SORCS1: variants seen among roughly 807,000 people sequenced by gnomAD.
SORCS1 encodes sortilin related VPS10 domain containing receptor 1.
SORCS1 carries 60 observed loss-of-function variants against 146.1 expected under a neutral mutation model. That is an observed-to-expected ratio of 0.41 (90% CI 0.33 to 0.51). The LOEUF is 0.51. SORCS1 is among the 20% of genes least tolerant of loss of function. The pLI is 0.21. For missense variants in SORCS1, 1,352 were observed against 1,487.6 expected, an observed-to-expected ratio of 0.91 and a Z score of 1.50; for synonymous variants, 637 against 584.0, an observed-to-expected ratio of 1.09 and a Z score of -1.31.
intron 16 of SORCS1, 32 bp from the exon 17 acceptor site, chr10:106,667,834 C>G: frequency 6.4e-7 from 1 of 1,557,144 alleles, no homozygotes; most frequent in Non-Finnish European, 8.8e-7. Flanking sequence ...AAACCTTTCA[C>G]TAGGTGGCAA....
rs749306103 is a variant in SORCS1, at chr10:107,164,078, G to C, written c.449C>G (p.Ala150Gly). The C allele has an allele frequency of 3.1e-6, 5 of 1,613,818 alleles. No individual in the cohort carries two copies. The South Asian group carries it at 5.5e-5, about 18-fold the overall frequency. Residue 150 changes from alanine (A) to glycine (G), a missense_variant, in exon 1 of 26, where the codon GCC becomes GGC. By Grantham distance (60) the Ala-to-Gly change is moderately conservative (BLOSUM62 0). This residue lies in a region of SORCS1 where 490 missense variants were observed against 489.1 expected (regional missense o/e 1.00). Coordinates refer to ENST00000263054, the MANE Select transcript of SORCS1 (RefSeq NM_052918.5). This position sits in a 1 kb window ranked among gnomAD's most constrained non-coding sequence, Gnocchi z 6.8. ...CAGCTCCTCCATCCGGAAGCGGGTG[G>C]CTTTGTCCGGGTCCCGCTCCCGAGT... ...PGTRERDPDK[A>G]TRFRMEELRL...
the SORCS1 span, among the ~76,000 whole-genome samples, chr10:107,177,592 T>G: frequency 3.3e-5 from 5 of 152,170 alleles, no homozygotes; most frequent in African/African-American, 7.2e-5. Context: ...CTAAAATAAT[T>G]AATTTTTTTA....
intron 18 of SORCS1, among the ~76,000 whole-genome samples, chr10:106,635,226 G>A (rs1184829777): frequency 6.6e-6 from 1 of 152,112 alleles, no homozygotes; most frequent in African/African-American, 2.4e-5. Context: ...CCAGAAGTGA[G>A]ACTCCAAGAT....
chr10:106,884,067 G>A (rs980627177), intron 2 of SORCS1, among the ~76,000 whole-genome samples: 8 of 151,940 alleles, frequency 5.3e-5, no homozygotes, highest in African/African-American at 1.7e-4. Context: ...AAACTACTTA[G>A]CATCTGGGAA....
At position 106,803,328 on chromosome 10, in the gene SORCS1, C is replaced by T. The variant is rs558021144; in HGVS notation, c.726+26246G>A. The stretch of plus-strand genomic sequence containing the variant: ...TTCCAAAGAATAATATTTTGTATTA[C>T]AAAAGGGACACACACTTATATGGAA... On this transcript the variant is annotated intron_variant, in intron 3 of 25. Coordinates refer to ENST00000263054, the MANE Select transcript of SORCS1 (RefSeq NM_052918.5). 2.6e-5 allele frequency among the ~76,000 whole-genome samples: 4 copies of T among 152,244 alleles called. No individual in the cohort carries two copies. In the East Asian group the frequency reaches 5.8e-4, roughly 22 times the overall value.
chr10:106,748,473 G>T (rs1000509797), intron 5 of SORCS1, among the ~76,000 whole-genome samples: 1 of 151,784 alleles, frequency 6.6e-6, no homozygotes, highest in Non-Finnish European at 1.5e-5. Context: ...ACAGACCAGC[G>T]ATTCCCCCAT....
intron 6 of SORCS1, among the ~76,000 whole-genome samples, chr10:106,723,597 G>A (rs1298533458): frequency 2.0e-5 from 3 of 152,158 alleles, no homozygotes; most frequent in Non-Finnish European, 4.4e-5. Context: ...TCCCAAGGCA[G>A]AAAGTAATAC....
chr10:106,962,033 TTG>T (rs1491402489), intron 1 of SORCS1, among the ~76,000 whole-genome samples: 1 of 151,616 alleles, frequency 6.6e-6, no homozygotes, highest in Non-Finnish European at 1.5e-5. Flanking sequence ...CATCAGGAGG[TTG>T]GGGGGGTGTC....
At chr10:106,660,053 A>G (rs919878209) in intron 17 of SORCS1, among the ~76,000 whole-genome samples, 2 of 152,074 alleles carry the variant, frequency 1.3e-5, no homozygotes, top group Non-Finnish European at 2.9e-5. Flanking sequence ...CACATGCACC[A>G]TTTTTAGGGC....
chr10:106,803,370 T>G (rs1947007583), intron 3 of SORCS1, among the ~76,000 whole-genome samples: 1 of 152,212 alleles, frequency 6.6e-6, no homozygotes, highest in African/African-American at 2.4e-5. Flanking sequence ...CCAGGGCACT[T>G]GACCACACTT....
In SORCS1 at chr10:106,597,333, C is replaced by T. The variant is rs376931748; in HGVS notation, c.3265+18G>A. The T allele has an allele frequency of 2.2e-5, 36 of 1,610,676 alleles. No individual in the cohort carries two copies. The highest frequency in any genetic ancestry group is 1.7e-4 in the Middle Eastern group (1 of 6,058). On this transcript the variant is annotated intron_variant, in intron 24 of 25. Transcript: ENST00000263054. ...TTGCCAGAGCCACCAGCCAGAACCCCGGGACATGGACACTGACCCGCTGTT... is the reference window on the plus strand; with the variant it reads ...TTGCCAGAGCCACCAGCCAGAACCCTGGGACATGGACACTGACCCGCTGTT...
At chr10:106,953,354 T>C (rs1468799925) in intron 2 of SORCS1, among the ~76,000 whole-genome samples, 1 of 152,154 alleles carries the variant, frequency 6.6e-6, no homozygotes, top group Non-Finnish European at 1.5e-5. Context: ...AGATTACTTG[T>C]AACACCAAAT....
chr10:107,058,905 A>G (rs1224078379), intron 1 of SORCS1, among the ~76,000 whole-genome samples: 3 of 152,220 alleles, frequency 2.0e-5, no homozygotes, highest in Admixed American at 2.0e-4. Flanking sequence ...ATCAAATGGC[A>G]ATAAGGTAAA....
At chr10:106,763,065 T>C (rs191605388) in intron 4 of SORCS1, among the ~76,000 whole-genome samples, 87 of 152,324 alleles carry the variant, frequency 5.7e-4, no homozygotes, top group African/African-American at 1.9e-3. Flanking sequence ...CATTGTGGTG[T>C]GCCTATGTCA....
chr10:106,816,255 G>A (rs1349704881), intron 3 of SORCS1, among the ~76,000 whole-genome samples: 1 of 152,188 alleles, frequency 6.6e-6, no homozygotes, highest in Admixed American at 6.5e-5. Flanking sequence ...TGGTCAGTCA[G>A]AAGTACCAAT....
intron 5 of SORCS1, among the ~76,000 whole-genome samples, chr10:106,732,313 A>G (rs1856655309): frequency 6.6e-6 from 1 of 152,210 alleles, no homozygotes; most frequent in Non-Finnish European, 1.5e-5. Flanking sequence ...TCCAGGCAGA[A>G]AGTGACCCTT....
intron 2 of SORCS1, among the ~76,000 whole-genome samples, chr10:106,909,118 G>A (rs951973287): frequency 6.6e-6 from 1 of 152,134 alleles, no homozygotes; most frequent in African/African-American, 2.4e-5. Context: ...CCTTCACTGG[G>A]TGTGGTATCC....
intron 18 of SORCS1, among the ~76,000 whole-genome samples, chr10:106,651,181 T>C (rs781160675): frequency 1.3e-5 from 2 of 152,186 alleles, no homozygotes; most frequent in Non-Finnish European, 2.9e-5. Context: ...TGCACATCGT[T>C]TGAGCTAGAT....
chr10:106,942,824 C>T (rs1335608628), intron 2 of SORCS1, among the ~76,000 whole-genome samples: 1 of 152,146 alleles, frequency 6.6e-6, no homozygotes, highest in African/African-American at 2.4e-5. Context: ...CAGTTCTATT[C>T]TCCACTAATT....
Sources: gnomAD v4.1 joint callset for allele counts (sites outside exome capture counted in the v4.1 genomes callset) on GRCh38, gnomAD v4.1.1 for gene constraint, gnomAD v4.1.1 regional missense constraint, Gnocchi (gnomAD v3.1) non-coding constraint, MANE v1.5 for transcripts, NCBI Gene and HGNC (gene_info 2026-07-23, HGNC 2026-07-21) for gene names.